Variants in PPP2R5E observed in about 807,000 individuals in gnomAD.
PPP2R5E encodes the protein serine/threonine-protein phosphatase 2A 56 kDa regulatory subunit epsilon isoform.
A neutral mutation model predicts 65.3 loss-of-function variants in PPP2R5E; 4 were observed. The observed-to-expected ratio is 0.06, with a 90% confidence interval of 0.03 to 0.14. PPP2R5E has a LOEUF of 0.14. Ranked by LOEUF, PPP2R5E falls within the 10% of genes least tolerant of loss-of-function variation. The pLI is 1.00. For synonymous variants in PPP2R5E, 183 were observed against 187.4 expected (o/e 0.98, Z 0.19); for missense variants, 274 against 556.1 (o/e 0.49, Z 5.10).
At chr14:63,380,050 T>A (rs960793652) in intron 13 of PPP2R5E, among the ~76,000 whole-genome samples, 2 of 151,460 alleles carry the variant, frequency 1.3e-5, no homozygotes, top group African/African-American at 2.4e-5. Flanking sequence ...GCCAGGATGG[T>A]CTCGAACTCC....
chr14:63,484,227 C>G (rs1566736279), intron 2 of PPP2R5E, among the ~76,000 whole-genome samples: 1 of 152,028 alleles, frequency 6.6e-6, no homozygotes, highest in Non-Finnish European at 1.5e-5. Context: ...GCTGGAAATA[C>G]AAGTCTGGAC....
chr14:63,466,774 T>C (rs553038070), intron 2 of PPP2R5E, among the ~76,000 whole-genome samples: 55 of 152,132 alleles, frequency 3.6e-4, no homozygotes, highest in African/African-American at 1.3e-3. Flanking sequence ...TGTGTATACA[T>C]ATGTGTATAC....
chr14:63,515,196 A>T (rs1396433824), intron 2 of PPP2R5E, among the ~76,000 whole-genome samples: 1 of 152,220 alleles, frequency 6.6e-6, no homozygotes, highest in Admixed American at 6.5e-5. Flanking sequence ...GAGAAAATAA[A>T]CAACTATACG....
intron 3 of PPP2R5E, among the ~76,000 whole-genome samples, chr14:63,436,704 T>C (rs1887968807): frequency 6.6e-6 from 1 of 152,204 alleles, no homozygotes. Context: ...CCGTTGACAG[T>C]GACACATAGC....
At chr14:63,465,634 AT>A (rs1197738911) in intron 2 of PPP2R5E, among the ~76,000 whole-genome samples, 5 of 151,918 alleles carry the variant, frequency 3.3e-5, no homozygotes, top group African/African-American at 9.7e-5. Flanking sequence ...TCAAAAAAAA[AT>A]TTTTTTTAAA....
At chr14:63,519,269 T>G (rs142906678) in intron 2 of PPP2R5E, among the ~76,000 whole-genome samples, 1 of 152,182 alleles carries the variant, frequency 6.6e-6, no homozygotes, top group South Asian at 2.1e-4. Context: ...TCCTTATGAC[T>G]GGGTAGGGGA....
intron 2 of PPP2R5E, among the ~76,000 whole-genome samples, chr14:63,504,297 A>AT (rs1892052665): frequency 6.6e-6 from 1 of 152,168 alleles, no homozygotes; most frequent in Admixed American, 6.6e-5. Context: ...CAAGAAGTCA[A>AT]TTGGCCAGGC....
At chr14:63,426,302 T>A (rs1441581512) in intron 3 of PPP2R5E, among the ~76,000 whole-genome samples, 2 of 152,120 alleles carry the variant, frequency 1.3e-5, no homozygotes, top group Admixed American at 6.6e-5. Context: ...ACTTGCAACA[T>A]TCTCCAAAAA....
intron 3 of PPP2R5E, among the ~76,000 whole-genome samples, chr14:63,451,059 C>CA (rs944116389): frequency 3.9e-5 from 6 of 152,160 alleles, no homozygotes; most frequent in African/African-American, 1.4e-4. Flanking sequence ...GGTAGGAATG[C>CA]AAAATAGTAC....
At chr14:63,531,426 C>A (rs1255726851) in intron 2 of PPP2R5E, among the ~76,000 whole-genome samples, 1 of 151,706 alleles carries the variant, frequency 6.6e-6, no homozygotes, top group African/African-American at 2.4e-5. Context: ...ATGTAACAAA[C>A]CTGCACGTTG....
chr14:63,403,464 C>T (rs1885881459), intron 5 of PPP2R5E, among the ~76,000 whole-genome samples: 1 of 150,790 alleles, frequency 6.6e-6, no homozygotes, highest in Non-Finnish European at 1.5e-5. Context: ...ACTTACATCC[C>T]ATTCATGCTT....
chr14:63,487,345 A>C (rs79492024), intron 2 of PPP2R5E, among the ~76,000 whole-genome samples: 3,399 of 150,862 alleles, frequency 0.023, 75 homozygotes, highest in African/African-American at 0.063. Flanking sequence ...GAACTATTAT[A>C]ATTTACCACC....
At chr14:63,407,424 CAA>C (rs953338992) in intron 5 of PPP2R5E, among the ~76,000 whole-genome samples, 1 of 152,000 alleles carries the variant, frequency 6.6e-6, no homozygotes, top group Non-Finnish European at 1.5e-5. Flanking sequence ...TGCTATCATA[CAA>C]AAATAGTCTT....
intron 2 of PPP2R5E, among the ~76,000 whole-genome samples, chr14:63,477,051 G>A (rs12434321): frequency 0.33 from 49,742 of 151,806 alleles, 10,857 homozygotes; most frequent in African/African-American, 0.62. Flanking sequence ...CATTTAATTA[G>A]TGGGCTGTTC....
chr14:63,384,308 A>C, intron 12 of PPP2R5E, 136 bp downstream of exon 12: 1 of 1,022,168 alleles, frequency 9.8e-7, no homozygotes, highest in Non-Finnish European at 1.5e-6. Context: ...CAGTCAGTGA[A>C]TCCCCAGAAG....
At chr14:63,404,761 C>A (rs981747277) in intron 5 of PPP2R5E, among the ~76,000 whole-genome samples, 1 of 152,210 alleles carries the variant, frequency 6.6e-6, no homozygotes, top group African/African-American at 2.4e-5. Context: ...ATTCTTTCCA[C>A]AAACCAAAGA....
intron 2 of PPP2R5E, among the ~76,000 whole-genome samples, chr14:63,516,145 G>T (rs187480058): frequency 6.6e-6 from 1 of 152,000 alleles, no homozygotes; most frequent in African/African-American, 2.4e-5. Context: ...CACCACACCC[G>T]GCATAGCCAC....
At chr14:63,539,890 C>G (rs1893818161) in intron 1 of PPP2R5E, among the ~76,000 whole-genome samples, 198 bp from the exon 2 acceptor site, 1 of 152,118 alleles carries the variant, frequency 6.6e-6, no homozygotes, top group Admixed American at 6.6e-5. Context: ...CTTTGGGAGG[C>G]TGAGATGGGT....
intron 3 of PPP2R5E, among the ~76,000 whole-genome samples, chr14:63,433,161 G>A (rs775315227): frequency 1.5e-4 from 22 of 144,952 alleles, no homozygotes; most frequent in East Asian, 1.3e-3. Flanking sequence ...CCTCAGCCCC[G>A]CAAGTAGCTG....
Sources: gnomAD v4.1 joint callset for allele counts (sites outside exome capture counted in the v4.1 genomes callset) on GRCh38, gnomAD v4.1.1 for gene constraint, MANE v1.5 for transcripts, NCBI Gene and HGNC (gene_info 2026-07-23, HGNC 2026-07-21) for gene names.